The following KLHL1 variants were observed in gnomAD, a reference collection of about 807,000 sequenced individuals.
KLHL1 encodes kelch-like protein 1.
A neutral mutation model predicts 77.7 loss-of-function variants in KLHL1; 47 were observed. The ratio of observed to expected loss-of-function variants is 0.60; its 90% CI spans 0.48 to 0.77. The LOEUF (loss-of-function observed/expected upper bound fraction) is 0.77, where lower values mean the gene tolerates loss of function less well. Ranked by LOEUF, KLHL1 falls within the 30% of genes least tolerant of loss-of-function variation. The pLI, the probability that KLHL1 is intolerant of heterozygous loss-of-function variation, is 0.00. For missense variants in KLHL1, 925 were observed against 910.8 expected (o/e 1.02, Z -0.20); for synonymous variants, 360 against 325.2 (o/e 1.11, Z -1.15).
intron 1 of KLHL1, among the ~76,000 whole-genome samples, chr13:69,979,632 A>G (rs925227055): frequency 6.6e-6 from 1 of 152,128 alleles, no homozygotes; most frequent in Non-Finnish European, 1.5e-5. Flanking sequence ...GTTGAAAAAA[A>G]CTTTACAGTT....
chr13:70,009,864 A>G (rs1885489246), intron 1 of KLHL1, among the ~76,000 whole-genome samples: 1 of 152,186 alleles, frequency 6.6e-6, no homozygotes, highest in African/African-American at 2.4e-5. Flanking sequence ...GGGTTCAAAA[A>G]AAGGTCAGAA....
intron 1 of KLHL1, among the ~76,000 whole-genome samples, chr13:70,045,616 A>G (rs932075710): frequency 6.6e-6 from 1 of 152,166 alleles, no homozygotes; most frequent in African/African-American, 2.4e-5. Context: ...TTGGACTTCT[A>G]AAGATGACTG....
intron 7 of KLHL1, among the ~76,000 whole-genome samples, chr13:69,762,423 G>GT (rs900679207): frequency 4.6e-5 from 7 of 151,972 alleles, no homozygotes; most frequent in Non-Finnish European, 7.4e-5. Context: ...ATGCCAAAGT[G>GT]TATTTTCACT....
At chr13:69,919,145 T>G (rs905297916) in intron 4 of KLHL1, among the ~76,000 whole-genome samples, 3 of 152,118 alleles carry the variant, frequency 2.0e-5, no homozygotes, top group African/African-American at 7.2e-5. Context: ...GAGTTGGCTA[T>G]TCTACTCTTT....
chr13:69,985,163 A>G (rs1884827900), intron 1 of KLHL1, among the ~76,000 whole-genome samples: 2 of 152,114 alleles, frequency 1.3e-5, no homozygotes, highest in Admixed American at 6.6e-5. Flanking sequence ...TCTGTGCAAA[A>G]AAAGATCAAA....
intron 1 of KLHL1, among the ~76,000 whole-genome samples, chr13:70,012,172 T>C (rs1480527890): frequency 6.6e-6 from 1 of 152,140 alleles, no homozygotes; most frequent in East Asian, 1.9e-4. Flanking sequence ...AGCCAAATCA[T>C]ATCAGGTCTC....
In KLHL1 at chr13:69,700,889, A is replaced by G. The variant is rs1875360395; in HGVS notation, c.*813T>C. 2 of 152,384 alleles carry G rather than the reference A, an allele frequency of 1.3e-5. No homozygotes were observed. Among genetic ancestry groups the G allele is most frequent in the African/African-American group, 2.4e-5 (1 of 41,446 alleles). 9.4% of individuals were successfully genotyped at this position (152,384 alleles called of 1,614,324 possible). On this transcript the variant is annotated 3_prime_UTR_variant, in exon 11 of 11. Coordinates refer to ENST00000377844, the MANE Select transcript of KLHL1 (RefSeq NM_020866.3). ...GGAGTTCAACATGCAATGGATATATATATCATTCAGAATCACTAGCTTCCA... is the reference window on the plus strand; with the variant it reads ...GGAGTTCAACATGCAATGGATATATGTATCATTCAGAATCACTAGCTTCCA...
rs192759922 is a variant in KLHL1 at position 70,058,767 on chromosome 13, A to T, written c.497+48436T>A. 5.2e-3 allele frequency among the ~76,000 whole-genome samples: 793 copies of T among 152,348 alleles called. 10 individuals are homozygous for T. Among genetic ancestry groups the T allele is most frequent in the Middle Eastern group, 0.017 (5 of 294 alleles). On this transcript the variant is annotated intron_variant, in intron 1 of 10. Transcript: ENST00000377844. Reference sequence around the variant, plus strand: ...AGAATAGCTAAAGTCATCCTAGGCAAAAAGAACAAAACTGGAGGAATCACA... The same window carrying T: ...AGAATAGCTAAAGTCATCCTAGGCATAAAGAACAAAACTGGAGGAATCACA...
At chr13:69,986,650 G>A (rs1033919252) in intron 1 of KLHL1, among the ~76,000 whole-genome samples, 3 of 151,842 alleles carry the variant, frequency 2.0e-5, no homozygotes, top group African/African-American at 7.2e-5. Flanking sequence ...AATAAGATAC[G>A]CTGATGTTTG....
chr13:70,057,618 T>C (rs1167502293), intron 1 of KLHL1, among the ~76,000 whole-genome samples: 52 of 146,760 alleles, frequency 3.5e-4, no homozygotes, highest in Non-Finnish European at 9.0e-5. Context: ...CTACTAAAAA[T>C]ACAAAAAATT....
chr13:70,070,752 A>G (rs1887119349), intron 1 of KLHL1, among the ~76,000 whole-genome samples: 1 of 152,120 alleles, frequency 6.6e-6, no homozygotes, highest in South Asian at 2.1e-4. Flanking sequence ...TAGCTCATGG[A>G]TAAGCTAACT....
chr13:69,935,218 T>A (rs9741030), intron 4 of KLHL1, among the ~76,000 whole-genome samples: 1 of 147,422 alleles, frequency 6.8e-6, no homozygotes, highest in Non-Finnish European at 1.5e-5. Context: ...ACTGGTGAAC[T>A]TGGTACATAG....
chr13:70,054,165 A>G (rs564693912), intron 1 of KLHL1, among the ~76,000 whole-genome samples: 35 of 152,288 alleles, frequency 2.3e-4, no homozygotes, highest in African/African-American at 7.5e-4. Context: ...TGCTAGTCAC[A>G]TAGATTGTCT....
At chr13:69,966,475 G>T (rs1884213833) in intron 2 of KLHL1, among the ~76,000 whole-genome samples, 1 of 152,162 alleles carries the variant, frequency 6.6e-6, no homozygotes, top group Admixed American at 6.6e-5. Context: ...TTGCTCAAGA[G>T]CTCTGACAGA....
At chr13:69,903,507 CGTTCT>C (rs1566383488) in intron 4 of KLHL1, among the ~76,000 whole-genome samples, 5 of 151,972 alleles carry the variant, frequency 3.3e-5, no homozygotes, top group Admixed American at 3.3e-4. Context: ...ACCCTTTCTT[CGTTCT>C]AGTTCTCTAG....
intron 1 of KLHL1, among the ~76,000 whole-genome samples, chr13:70,014,790 TAAAC>T (rs532355479): frequency 9.5e-4 from 144 of 152,234 alleles, no homozygotes; most frequent in African/African-American, 3.3e-3. Context: ...ATAGTAGACT[TAAAC>T]AGATAAACAG....
At position 69,839,051 on chromosome 13, in the gene KLHL1, G is replaced by T. The variant is rs777797140; in HGVS notation, c.1339C>A (p.Gln447Lys). The T allele has an allele frequency of 6.2e-7, 1 of 1,611,044 alleles. No homozygotes were observed. The highest frequency in any genetic ancestry group is 1.1e-5 in the South Asian group (1 of 90,782). The change falls in exon 6 of 11, where the codon CAA (glutamine) becomes AAA (lysine). Residue 447 changes from glutamine (Q) to lysine (K), a missense_variant. Physicochemically the swap from Gln to Lys is moderately conservative, Grantham distance 53. Coordinates refer to ENST00000377844, the MANE Select transcript of KLHL1 (RefSeq NM_020866.3). Reference protein sequence around the residue: ...HLLPERRTLMQSPRTKPRKST... With the variant: ...HLLPERRTLMKSPRTKPRKST... ...TTTCTGGGTTTAGTTCTCGGACTTT[G>T]CATTAAAGTTCTTCTTTCTGGCAAT...
At chr13:70,034,072 TTAAGTTC>T (rs1464599149) in intron 1 of KLHL1, among the ~76,000 whole-genome samples, 2 of 152,190 alleles carry the variant, frequency 1.3e-5, no homozygotes, top group East Asian at 3.9e-4. Flanking sequence ...CTTTAGTTGT[TTAAGTTC>T]TAAGAATCAC....
At chr13:70,091,399 C>T (rs1887669695) in intron 1 of KLHL1, among the ~76,000 whole-genome samples, 1 of 152,016 alleles carries the variant, frequency 6.6e-6, no homozygotes, top group Admixed American at 6.6e-5. Context: ...TGTTTCTTCA[C>T]CAGTAGCTTT....
Sources: gnomAD v4.1 joint callset for allele counts (sites outside exome capture counted in the v4.1 genomes callset) on GRCh38, gnomAD v4.1.1 for gene constraint, MANE v1.5 for transcripts, NCBI Gene and HGNC (gene_info 2026-07-23, HGNC 2026-07-21) for gene names.